The following ABCA12 variants were observed in gnomAD, a reference collection of about 807,000 sequenced individuals.
ABCA12 encodes ATP binding cassette subfamily A member 12.
A neutral mutation model predicts 293.5 loss-of-function variants in ABCA12; 156 were observed. That is an observed-to-expected ratio of 0.53 (90% CI 0.47 to 0.61). The LOEUF is 0.61. Among genes scored for constraint, ABCA12 ranks in the 20% least tolerant of loss-of-function variants. The probability of loss-of-function intolerance (pLI) is 0.00; values close to 1 mark genes in which losing one functional copy is unlikely to be tolerated. For missense variants in ABCA12, 2,797 were observed against 3,090.2 expected, an observed-to-expected ratio of 0.91 and a Z score of 2.25; for synonymous variants, 1,063 against 1,108.0, an observed-to-expected ratio of 0.96 and a Z score of 0.81.
chr2:214,937,763 G>C, intron 50 of ABCA12, 148 bp from the exon 51 acceptor site: 1 of 648,642 alleles, frequency 1.5e-6, no homozygotes, highest in East Asian at 2.9e-5. Context: ...AAAAGTTCAG[G>C]ACATGTTGCA....
In ABCA12 at chr2:215,010,470, G is replaced by A; in HGVS notation, c.2333C>T (p.Thr778Ile). The A allele has an allele frequency of 1.2e-6, 2 of 1,613,400 alleles. No individual in the cohort carries two copies. Among genetic ancestry groups the A allele is most frequent in the Non-Finnish European group, 8.5e-7 (1 of 1,179,480 alleles). Residue 778 changes from threonine to isoleucine, a missense_variant and splice_region_variant, in exon 18 of 53, where the codon ACA becomes ATA. This residue lies in a region of ABCA12 where 2,130 missense variants were observed against 2,427.0 expected (regional missense o/e 0.88). Coordinates refer to ENST00000272895, the MANE Select transcript of ABCA12 (RefSeq NM_173076.3). ...ASKYGIPINS[T>I]PFCFSLYKDI... ...TTTATAAAGGGAGAAGCAAAATGGTGCTGGAAGGAAAAAGTGAAATAAAAC... is the reference window on the plus strand; with the variant it reads ...TTTATAAAGGGAGAAGCAAAATGGTACTGGAAGGAAAAAGTGAAATAAAAC...
At chr2:215,106,304 T>G (rs1702463285) in intron 2 of ABCA12, among the ~76,000 whole-genome samples, 1 of 152,162 alleles carries the variant, frequency 6.6e-6, no homozygotes. Flanking sequence ...TTCTCACATT[T>G]TTTTTTTCCC....
rs397987755 is a variant in ABCA12 at position 214,984,094 on chromosome 2, C to CTTTTTTTTT, written c.4164-238_4164-230dup. Reference sequence around the variant, plus strand: ...ATGATGATGACAAAAACGATCAGGCCTTTTTTTTTTTTTTTTTTTTGAGAC... The same window carrying CTTTTTTTTT: ...ATGATGATGACAAAAACGATCAGGCCTTTTTTTTTTTTTTTTTTTTTTTTTTTTTGAGAC... On this transcript the variant is annotated intron_variant, in intron 28 of 52. Transcript: ENST00000272895. Among the ~76,000 whole-genome samples, 118 of 92,932 alleles carry CTTTTTTTTT rather than the reference C, an allele frequency of 1.3e-3. 2 individuals are homozygous for CTTTTTTTTT. The highest frequency in any genetic ancestry group is 1.3e-3 in the Admixed American group (8 of 5,934). The allele number at this position is 92,932 out of a possible 152,430, so 61.0% of individuals were successfully genotyped here.
At chr2:215,014,289 A>G (rs1700441712) in intron 15 of ABCA12, among the ~76,000 whole-genome samples, 1 of 152,102 alleles carries the variant, frequency 6.6e-6, no homozygotes, top group Non-Finnish European at 1.5e-5. Context: ...TGTAGGTAGC[A>G]TTGGTTGCAT....
rs1484205062 is a variant in ABCA12, at chr2:214,947,768, C to T, written c.7105-212G>A. ...TATTTAAAGAGATTCTTTGGAGGCT[C>T]ATTTTCAGATGGGATTCCCTCCCCC... On this transcript the variant is annotated intron_variant, in intron 47 of 52. Transcript: ENST00000272895. The T allele has an allele frequency of 8.5e-6, 5 of 590,602 alleles. No homozygotes were observed. The Admixed American group carries it at 1.2e-4, about 15-fold the overall frequency. The allele number at this position is 590,602 out of a possible 1,614,324, so 36.6% of individuals were successfully genotyped here. A position where few individuals can be genotyped will look rare whatever the true frequency, so the allele number is the denominator to read the frequency against.
intron 1 of ABCA12, among the ~76,000 whole-genome samples, chr2:215,118,551 T>C (rs975884474): frequency 3.9e-5 from 6 of 152,122 alleles, no homozygotes; most frequent in Non-Finnish European, 8.8e-5. Flanking sequence ...AGTGTCATAG[T>C]TTTGGAGAGT....
At chr2:214,997,853 A>T in intron 22 of ABCA12, 44 bp from the exon 23 acceptor site, 1 of 1,113,286 alleles carries the variant, frequency 9.0e-7, no homozygotes, top group Non-Finnish European at 1.4e-6. Context: ...ACCAAAATGA[A>T]CACCATACTT....
rs111852905 is a variant in ABCA12, at chr2:214,954,766, A to G, written c.6393+436T>C. 9.4e-4 allele frequency among the ~76,000 whole-genome samples: 143 copies of G among 152,308 alleles called. 1 individual carries two copies. The highest frequency in any genetic ancestry group is 3.2e-3 in the African/African-American group (132 of 41,568). ...TGAATGGAAAGTGATGCTTACAATGAAGTAGTCTCCAATACATGATTGAAA... is the reference window on the plus strand; with the variant it reads ...TGAATGGAAAGTGATGCTTACAATGGAGTAGTCTCCAATACATGATTGAAA... On this transcript the variant is annotated intron_variant, in intron 43 of 52. Transcript: ENST00000272895.
At chr2:215,086,586 T>C (rs1027647704) in intron 2 of ABCA12, among the ~76,000 whole-genome samples, 5 of 152,188 alleles carry the variant, frequency 3.3e-5, no homozygotes, top group African/African-American at 1.2e-4. Context: ...AGGCTCCTAA[T>C]ACCATCCTGA....
At chr2:215,017,068 G>C (rs1700520477) in intron 14 of ABCA12, among the ~76,000 whole-genome samples, 1 of 152,226 alleles carries the variant, frequency 6.6e-6, no homozygotes, top group Admixed American at 6.5e-5. Context: ...TTATTTACTA[G>C]TACAGTAAAG....
intron 44 of ABCA12, among the ~76,000 whole-genome samples, chr2:214,952,974 T>C (rs1269809783): frequency 6.6e-6 from 1 of 152,244 alleles, no homozygotes; most frequent in African/African-American, 2.4e-5. Context: ...ATTTAAATGG[T>C]ACCGAAGATG....
At chr2:215,132,775 A>G (rs913447119) in intron 1 of ABCA12, among the ~76,000 whole-genome samples, 4 of 152,102 alleles carry the variant, frequency 2.6e-5, no homozygotes, top group East Asian at 3.9e-4. Context: ...TTCTTGATGT[A>G]ATGTTGTTAG....
intron 18 of ABCA12, 50 bp downstream of exon 18, chr2:215,010,281 T>A (rs1559144079): frequency 2.5e-6 from 4 of 1,608,210 alleles, no homozygotes; most frequent in Non-Finnish European, 2.6e-6. Flanking sequence ...TTGACTACTT[T>A]AAAAAACATC....
intron 1 of ABCA12, among the ~76,000 whole-genome samples, chr2:215,124,248 G>A (rs1006056284): frequency 2.6e-5 from 4 of 152,082 alleles, no homozygotes; most frequent in African/African-American, 7.2e-5. Context: ...GTACCTTTTC[G>A]AATGTGCATT....
intron 2 of ABCA12, among the ~76,000 whole-genome samples, chr2:215,097,517 C>T (rs967567474): frequency 3.3e-5 from 5 of 152,172 alleles, no homozygotes; most frequent in East Asian, 1.9e-4. Context: ...AACAAATAGC[C>T]GAGTGTTTTG....
intron 32 of ABCA12, 66 bp downstream of exon 32, chr2:214,978,738 A>C: frequency 6.5e-7 from 1 of 1,532,120 alleles, no homozygotes; most frequent in Admixed American, 1.7e-5. Context: ...AAAATGGCAC[A>C]TATTTCTTCA....
At chr2:215,051,450 T>A (rs951167850) in intron 5 of ABCA12, among the ~76,000 whole-genome samples, 1 of 152,118 alleles carries the variant, frequency 6.6e-6, no homozygotes, top group African/African-American at 2.4e-5. Flanking sequence ...TTGAAATGCC[T>A]CAGTTAAACA....
intron 8 of ABCA12, among the ~76,000 whole-genome samples, chr2:215,036,565 G>T (rs1480717200): frequency 6.6e-6 from 1 of 152,068 alleles, no homozygotes; most frequent in Admixed American, 6.6e-5. Context: ...GTTATACCTT[G>T]TCTTACTGGA....
intron 8 of ABCA12, 45 bp from the exon 9 acceptor site, chr2:215,031,941 T>A (rs769469137): frequency 1.2e-6 from 2 of 1,610,882 alleles, no homozygotes; most frequent in East Asian, 2.2e-5. Flanking sequence ...ACATGTTTGC[T>A]TAAAGATTTT....
Sources: gnomAD v4.1 joint callset for allele counts (sites outside exome capture counted in the v4.1 genomes callset) on GRCh38, gnomAD v4.1.1 for gene constraint, gnomAD v4.1.1 regional missense constraint, MANE v1.5 for transcripts, NCBI Gene and HGNC (gene_info 2026-07-23, HGNC 2026-07-21) for gene names.